Variants in SNX29 observed in about 807,000 individuals in gnomAD.
SNX29 encodes the protein sorting nexin 29, also known as sorting nexin-29.
In SNX29, 78 loss-of-function variants were observed where a neutral mutation model predicts 102.1. The ratio of observed to expected loss-of-function variants is 0.76; its 90% CI spans 0.64 to 0.92. SNX29 has a LOEUF of 0.92. Among genes scored for constraint, SNX29 ranks in the 40% least tolerant of loss-of-function variants. The pLI, the probability that SNX29 is intolerant of heterozygous loss-of-function variation, is 0.00. For synonymous variants in SNX29, 580 were observed against 414.5 expected, an observed-to-expected ratio of 1.40 and a Z score of -4.85; for missense variants, 1,280 against 1,061.7, an observed-to-expected ratio of 1.21 and a Z score of -2.86.
intron 16 of SNX29, among the ~76,000 whole-genome samples, chr16:12,368,663 A>T (rs2082573118): frequency 2.6e-5 from 4 of 152,174 alleles, no homozygotes. Context: ...CCTGCCACTG[A>T]TCCTGAAGGA....
chr16:12,363,426 C>T (rs914201927), intron 16 of SNX29, among the ~76,000 whole-genome samples: 8 of 152,282 alleles, frequency 5.3e-5, no homozygotes, highest in South Asian at 2.1e-4. Context: ...CCAGGGTGTT[C>T]GAGTGACTCA....
chr16:12,343,170 C>T (rs926387726), intron 15 of SNX29, among the ~76,000 whole-genome samples: 1 of 152,202 alleles, frequency 6.6e-6, no homozygotes, highest in Non-Finnish European at 1.5e-5. Context: ...CCACTGATTT[C>T]TCAAGACATG....
intron 18 of SNX29, among the ~76,000 whole-genome samples, chr16:12,412,303 A>G (rs2084432147): frequency 6.6e-6 from 1 of 152,188 alleles, no homozygotes; most frequent in Non-Finnish European, 1.5e-5. Flanking sequence ...CATGCACAAG[A>G]TCTGCCTCAT....
chr16:12,285,338 C>A (rs1169851101), intron 15 of SNX29, among the ~76,000 whole-genome samples: 1 of 152,158 alleles, frequency 6.6e-6, no homozygotes, highest in Admixed American at 6.5e-5. Flanking sequence ...CCTCTGCAAA[C>A]AGAACTTTAC....
chr16:12,145,502 T>A (rs955657299), intron 13 of SNX29, among the ~76,000 whole-genome samples: 1 of 152,116 alleles, frequency 6.6e-6, no homozygotes, highest in African/African-American at 2.4e-5. Context: ...AGGGTATTTT[T>A]CCCCCCTGCA....
intron 20 of SNX29, among the ~76,000 whole-genome samples, chr16:12,534,777 G>T (rs1415804087): frequency 6.6e-6 from 1 of 152,120 alleles, no homozygotes; most frequent in African/African-American, 2.4e-5. Context: ...CTACCCCTCT[G>T]GTTTTTAACT....
chr16:12,526,870 C>T (rs896474154), intron 20 of SNX29: 10 of 399,170 alleles, frequency 2.5e-5, no homozygotes, highest in African/African-American at 8.0e-5. Flanking sequence ...CACGTTAATG[C>T]GAGCCTGTCG....
intron 20 of SNX29, among the ~76,000 whole-genome samples, chr16:12,562,043 A>G (rs936730602): frequency 1.3e-5 from 2 of 151,578 alleles, no homozygotes; most frequent in Non-Finnish European, 3.0e-5. Context: ...TAGGGATGGA[A>G]TCATCTGTGC....
chr16:12,494,615 G>C (rs923600612), intron 19 of SNX29, among the ~76,000 whole-genome samples: 10 of 152,276 alleles, frequency 6.6e-5, no homozygotes, highest in African/African-American at 2.2e-4. Flanking sequence ...TTCTCTACCA[G>C]CTCACAGCCA....
intron 9 of SNX29, among the ~76,000 whole-genome samples, chr16:12,064,043 T>C (rs10500381): frequency 0.36 from 54,328 of 151,902 alleles, 9,930 homozygotes; most frequent in African/African-American, 0.44. Context: ...TCACAGGCTC[T>C]GTCTCATGAA....
chr16:12,231,660 G>A (rs13333009), intron 14 of SNX29, among the ~76,000 whole-genome samples: 4,520 of 152,270 alleles, frequency 0.03, 232 homozygotes, highest in African/African-American at 0.1. Flanking sequence ...GGTCTCATAG[G>A]CAGAATTGTT....
chr16:12,548,406 C>T (rs560414887), intron 20 of SNX29, among the ~76,000 whole-genome samples: 1 of 152,154 alleles, frequency 6.6e-6, no homozygotes, highest in Non-Finnish European at 1.5e-5. Context: ...CCTTTGTAAC[C>T]TACCTCTGGC....
At chr16:12,362,551 A>ACCACCAC (rs1464136306) in intron 16 of SNX29, among the ~76,000 whole-genome samples, 8 of 23,530 alleles carry the variant, frequency 3.4e-4, no homozygotes, top group African/African-American at 8.4e-4. Context: ...TGGCTGCTGC[A>ACCACCAC]CTCCCCCCCC....
At chr16:12,030,675 C>T (rs2057315347) in intron 4 of SNX29, among the ~76,000 whole-genome samples, 1 of 152,184 alleles carries the variant, frequency 6.6e-6, no homozygotes, top group Non-Finnish European at 1.5e-5. Flanking sequence ...ATGACCATCC[C>T]ACTCCCCCAC....
intron 14 of SNX29, among the ~76,000 whole-genome samples, chr16:12,247,037 C>G (rs1186077285): frequency 6.6e-6 from 1 of 152,082 alleles, no homozygotes; most frequent in Non-Finnish European, 1.5e-5. Context: ...TTGTAGGTCC[C>G]TGGAAAGGTT....
rs189035746 is a variant in SNX29 at position 12,573,254 on chromosome 16, A to G, written c.*4625A>G. ...ATGGTTGTTGAAATGTACCTCGATC[A>G]GTCATCTCTGGTATTCCTCACTCTA... On this transcript the variant is annotated 3_prime_UTR_variant, in exon 21 of 21. Coordinates refer to ENST00000566228, the MANE Select transcript of SNX29 (RefSeq NM_032167.5). 107 of 227,330 alleles carry G rather than the reference A, an allele frequency of 4.7e-4. 1 individual carries two copies. The highest frequency in any genetic ancestry group is 2.1e-3 in the African/African-American group (96 of 45,162). The allele number at this position is 227,330 out of a possible 1,614,324, so 14.1% of individuals were successfully genotyped here. A position where few individuals can be genotyped will look rare whatever the true frequency, so the allele number is the denominator to read the frequency against.
intron 18 of SNX29, among the ~76,000 whole-genome samples, chr16:12,453,256 C>G (rs1049229652): frequency 6.6e-6 from 1 of 152,174 alleles, no homozygotes; most frequent in African/African-American, 2.4e-5. Context: ...ACTTTCTCAT[C>G]GAACTCAGAT....
At chr16:12,190,004 C>G (rs1037154042) in intron 13 of SNX29, among the ~76,000 whole-genome samples, 11 of 152,166 alleles carry the variant, frequency 7.2e-5, no homozygotes. Flanking sequence ...AGATACCTGG[C>G]TCCAGTTATC....
At chr16:12,021,994 G>T (rs1045655930) in intron 3 of SNX29, among the ~76,000 whole-genome samples, 5 of 126,252 alleles carry the variant, frequency 4.0e-5, no homozygotes, top group African/African-American at 1.3e-4. Flanking sequence ...GCTGGTCTTG[G>T]TGGACAGTTT....
Sources: allele counts gnomAD v4.1 joint callset (sites outside exome capture counted in the v4.1 genomes callset), GRCh38; gene constraint gnomAD v4.1.1; transcripts MANE v1.5; gene names NCBI Gene and HGNC (gene_info 2026-07-23, HGNC 2026-07-21).